Variants in DCC observed in about 807,000 individuals in gnomAD.
DCC encodes netrin receptor DCC.
DCC carries 58 observed loss-of-function variants against 172.5 expected under a neutral mutation model. The observed-to-expected ratio is 0.34, with a 90% CI of 0.27 to 0.42. DCC has a LOEUF of 0.42. Ranked by LOEUF, DCC falls within the 10% of genes least tolerant of loss-of-function variation. The pLI is 1.00. For synonymous variants in DCC, 709 were observed against 644.5 expected, an observed-to-expected ratio of 1.10 and a Z score of -1.52; for missense variants, 1,740 against 1,791.0, an observed-to-expected ratio of 0.97 and a Z score of 0.51.
intron 12 of DCC, among the ~76,000 whole-genome samples, chr18:53,298,619 T>C (rs79720152): frequency 0.037 from 5,500 of 150,596 alleles, 352 homozygotes; most frequent in African/African-American, 0.13. Context: ...TAAAAGGTTC[T>C]AATTCTTGTT....
intron 2 of DCC, among the ~76,000 whole-genome samples, chr18:52,832,813 G>T (rs1440015276): frequency 6.6e-6 from 1 of 152,148 alleles, no homozygotes; most frequent in Non-Finnish European, 1.5e-5. Flanking sequence ...TGGTTTGCCA[G>T]TTTGGGGTAC....
At chr18:53,279,523 G>A (rs2056843738) in intron 12 of DCC, among the ~76,000 whole-genome samples, 1 of 149,458 alleles carries the variant, frequency 6.7e-6, no homozygotes, top group Non-Finnish European at 1.5e-5. Flanking sequence ...GGGAGAGATA[G>A]CATTAGGAGA....
chr18:53,009,209 C>T (rs994303832), intron 5 of DCC, among the ~76,000 whole-genome samples: 2 of 151,874 alleles, frequency 1.3e-5, no homozygotes, highest in South Asian at 2.1e-4. Flanking sequence ...TTATTTAAAA[C>T]TCAGCCTGAA....
chr18:53,519,528 GT>G (rs34417946), intron 27 of DCC, among the ~76,000 whole-genome samples: 23,626 of 140,224 alleles, frequency 0.17, 2,072 homozygotes, highest in Admixed American at 0.29. Context: ...AAAATGAAGT[GT>G]TTTTTTTTTT....
intron 5 of DCC, among the ~76,000 whole-genome samples, chr18:53,040,371 C>A (rs1164896281): frequency 2.0e-5 from 3 of 151,796 alleles, no homozygotes; most frequent in Non-Finnish European, 4.4e-5. Context: ...TTCTGTAAAA[C>A]CAGAATTTCT....
chr18:53,502,670 C>A (rs1568172686), intron 27 of DCC, among the ~76,000 whole-genome samples: 1 of 152,076 alleles, frequency 6.6e-6, no homozygotes, highest in Non-Finnish European at 1.5e-5. Context: ...GAAAGGACTG[C>A]ATAATTAGTG....
At chr18:52,342,280 C>CGTGTGTGTGT (rs10535247) in intron 1 of DCC, among the ~76,000 whole-genome samples, 1 of 150,198 alleles carries the variant, frequency 6.7e-6, no homozygotes, top group Non-Finnish European at 1.5e-5. Flanking sequence ...TGTGTGTGTG[C>CGTGTGTGTGT]GTGTGTGTGT....
rs1230434459 is a variant in DCC, at chr18:52,734,946, C to A, written c.92-17108C>A. ...TCTGGGTGACATAAATGTTTGAAAG[C>A]CCTGATACTTGTAAATTCTTATAAG... On this transcript the variant is annotated intron_variant, in intron 1 of 28. Transcript: ENST00000442544. 2.0e-5 allele frequency among the ~76,000 whole-genome samples: 3 copies of A among 152,028 alleles called. No homozygotes were observed. The East Asian group carries it at 5.8e-4, about 29-fold the overall frequency.
Position 52,340,802 on chromosome 18 carries a change from T to C in DCC, c.15T>C (p.Leu5=), listed in dbSNP as rs1220620096. ...TTGGCTGAAATATGGAGAATAGTCT[T>C]AGATGTGTTTGGGTACCCAAGCTGG... is the stretch of plus-strand genomic sequence containing the variant. The part of the protein sequence containing the change: MENS[L]RCVWVPKLAF... The change falls in exon 1 of 29, where the codon CTT becomes CTC. Residue 5 remains leucine (L), a synonymous_variant. Transcript: ENST00000442544. 1.2e-6 allele frequency: 2 copies of C among 1,613,882 alleles called. No individual in the cohort carries two copies. Among genetic ancestry groups the C allele is most frequent in the Non-Finnish European group, 1.7e-6 (2 of 1,179,926 alleles).
At chr18:53,352,046 T>C (rs2057818732) in intron 15 of DCC, among the ~76,000 whole-genome samples, 1 of 152,066 alleles carries the variant, frequency 6.6e-6, no homozygotes, top group Non-Finnish European at 1.5e-5. Flanking sequence ...GAAAGGAGCC[T>C]GGTATCAAAT....
At chr18:52,511,084 A>G (rs1395756539) in intron 1 of DCC, among the ~76,000 whole-genome samples, 1 of 152,148 alleles carries the variant, frequency 6.6e-6, no homozygotes, top group Non-Finnish European at 1.5e-5. Context: ...GATCGAAACT[A>G]TCCTGACTAA....
chr18:52,721,533 G>A (rs1280891346), intron 1 of DCC, among the ~76,000 whole-genome samples: 1 of 152,144 alleles, frequency 6.6e-6, no homozygotes, highest in Non-Finnish European at 1.5e-5. Context: ...TTAACTCCTA[G>A]ATAATATCTT....
intron 1 of DCC, among the ~76,000 whole-genome samples, chr18:52,725,819 A>C (rs941833293): frequency 2.0e-5 from 3 of 152,218 alleles, no homozygotes; most frequent in African/African-American, 7.2e-5. Flanking sequence ...ATCAGTATAG[A>C]TCAGTTCACA....
intron 1 of DCC, among the ~76,000 whole-genome samples, chr18:52,527,425 A>G (rs1204194797): frequency 6.6e-6 from 1 of 152,198 alleles, no homozygotes; most frequent in African/African-American, 2.4e-5. Flanking sequence ...GAAATGTTTT[A>G]TTGGTTATGA....
chr18:52,989,760 C>A (rs898573895), intron 5 of DCC, among the ~76,000 whole-genome samples: 1 of 152,178 alleles, frequency 6.6e-6, no homozygotes, highest in Non-Finnish European at 1.5e-5. Flanking sequence ...TGGGAATTCT[C>A]CATCAGTTAA....
chr18:52,678,925 C>T (rs1599012336), intron 1 of DCC, among the ~76,000 whole-genome samples: 1 of 152,092 alleles, frequency 6.6e-6, no homozygotes, highest in Admixed American at 6.6e-5. Context: ...TCACATACTC[C>T]TCTTCATTTC....
intron 5 of DCC, among the ~76,000 whole-genome samples, chr18:53,042,125 G>T (rs1347049134): frequency 1.3e-4 from 20 of 151,988 alleles, no homozygotes; most frequent in Admixed American, 1.3e-4. Context: ...CATTCAGTAT[G>T]ATATTGGCTG....
At chr18:53,525,732 C>T (rs1422687626) in intron 27 of DCC, among the ~76,000 whole-genome samples, 7 of 152,038 alleles carry the variant, frequency 4.6e-5, no homozygotes, top group South Asian at 2.1e-4. Flanking sequence ...TGTCAGCTCT[C>T]GTGATAGAAG....
At chr18:52,711,334 T>C (rs1022640989) in intron 1 of DCC, among the ~76,000 whole-genome samples, 1 of 152,124 alleles carries the variant, frequency 6.6e-6, no homozygotes, top group African/African-American at 2.4e-5. Context: ...TTCAAGTGAT[T>C]CTCCTGCCTC....
Sources: allele counts gnomAD v4.1 joint callset (sites outside exome capture counted in the v4.1 genomes callset), GRCh38; gene constraint gnomAD v4.1.1; transcripts MANE v1.5; gene names NCBI Gene and HGNC (gene_info 2026-07-23, HGNC 2026-07-21).